Variants in RMST observed in about 807,000 individuals in gnomAD.
The protein encoded by RMST is long intergenic non-protein coding RNA 54.
chr12:97,529,862 GA>G (rs1307262509), intron 10 of RMST, among the ~76,000 whole-genome samples: 1 of 152,058 alleles, frequency 6.6e-6, no homozygotes, highest in Non-Finnish European at 1.5e-5. Flanking sequence ...CTTTTTGAAG[GA>G]AAAATTTGTA....
chr12:97,506,959 G>T (rs745322926), intron 10 of RMST, among the ~76,000 whole-genome samples: 1 of 152,118 alleles, frequency 6.6e-6, no homozygotes, highest in Non-Finnish European at 1.5e-5. Flanking sequence ...TGGGATTATA[G>T]GCATGAGCCA....
chr12:97,505,248 A>G (rs1337990949), intron 10 of RMST, among the ~76,000 whole-genome samples: 1 of 152,266 alleles, frequency 6.6e-6, no homozygotes, highest in Non-Finnish European at 1.5e-5. Context: ...TTACAGAATC[A>G]CAAATGAGCA....
At chr12:97,563,362 C>T (rs1333056119) in intron 13 of RMST, 1 of 202,506 alleles carries the variant, frequency 4.9e-6, no homozygotes, top group Non-Finnish European at 9.9e-6. Flanking sequence ...AAGATCCCGA[C>T]TCCCCACCTG....
intron 11 of RMST, among the ~76,000 whole-genome samples, chr12:97,549,531 G>A (rs2092046354): frequency 6.6e-6 from 1 of 152,214 alleles, no homozygotes; most frequent in South Asian, 2.1e-4. Flanking sequence ...ATTCAGCAAG[G>A]ATGCCATTCA....
intron 10 of RMST, among the ~76,000 whole-genome samples, chr12:97,503,362 A>T (rs1211744556): frequency 6.6e-6 from 1 of 152,060 alleles, no homozygotes; most frequent in Non-Finnish European, 1.5e-5. Flanking sequence ...TGGAGACTTT[A>T]GTTTGAAAAA....
chr12:97,557,446 A>G (rs960315053), intron 11 of RMST, among the ~76,000 whole-genome samples: 10 of 152,012 alleles, frequency 6.6e-5, no homozygotes, highest in South Asian at 4.1e-4. Flanking sequence ...AATAGAGTCT[A>G]TTTTCTCCCT....
At chr12:97,496,960 A>G (rs1010541547) in intron 10 of RMST, among the ~76,000 whole-genome samples, 2 of 152,188 alleles carry the variant, frequency 1.3e-5, no homozygotes, top group Admixed American at 6.5e-5. Context: ...TGACAGTGAT[A>G]ATATCATAAC....
At chr12:97,512,367 G>A (rs1284310514) in intron 10 of RMST, among the ~76,000 whole-genome samples, 1 of 152,142 alleles carries the variant, frequency 6.6e-6, no homozygotes, top group Non-Finnish European at 1.5e-5. Flanking sequence ...CAGCGTGTAA[G>A]GGGACCCGAG....
intron 5 of RMST, among the ~76,000 whole-genome samples, chr12:97,476,608 G>A (rs886393642): frequency 5.3e-5 from 8 of 152,100 alleles, no homozygotes; most frequent in Admixed American, 3.9e-4. Context: ...TGATAGAGCC[G>A]AGCTATGTGG....
intron 10 of RMST, chr12:97,496,118 CT>C (rs1251998012): frequency 6.6e-6 from 1 of 152,158 alleles, no homozygotes; most frequent in Non-Finnish European, 1.5e-5. Flanking sequence ...TCTAATTTCT[CT>C]TGTTTGCCAG....
At chr12:97,529,269 TCTTTGCAGCA>T (rs1452058328) in intron 10 of RMST, among the ~76,000 whole-genome samples, 19 of 152,108 alleles carry the variant, frequency 1.2e-4, no homozygotes, top group Admixed American at 1.2e-3. Context: ...TATCAGTTTA[TCTTTGCAGCA>T]CTTTAAGCTA....
At chr12:97,522,396 C>G (rs1880603123) in intron 10 of RMST, among the ~76,000 whole-genome samples, 2 of 152,172 alleles carry the variant, frequency 1.3e-5, no homozygotes, top group South Asian at 4.1e-4. Flanking sequence ...TCTTCAGAAA[C>G]AGTAGGAGAG....
chr12:97,475,589 T>G (rs1421087232), intron 5 of RMST, among the ~76,000 whole-genome samples: 2 of 141,084 alleles, frequency 1.4e-5, no homozygotes, highest in Admixed American at 1.4e-4. Flanking sequence ...TTTTTTTTGT[T>G]TTTTTTTTTT....
chr12:97,545,821 C>T (rs530633286), intron 11 of RMST, among the ~76,000 whole-genome samples: 1 of 152,052 alleles, frequency 6.6e-6, no homozygotes, highest in Non-Finnish European at 1.5e-5. Flanking sequence ...TATGACTCCA[C>T]GTAAATATGT....
At chr12:97,523,992 C>T (rs1880794155) in intron 10 of RMST, among the ~76,000 whole-genome samples, 10 of 143,352 alleles carry the variant, frequency 7.0e-5, no homozygotes, top group Admixed American at 5.2e-4. Flanking sequence ...GGGAGAATGG[C>T]GTGACCCCGG....
intron 5 of RMST, among the ~76,000 whole-genome samples, chr12:97,488,861 C>T (rs1251217549): frequency 1.3e-5 from 2 of 152,140 alleles, no homozygotes. Context: ...ATGGAAATTT[C>T]TATTTTATGC....
chr12:97,522,422 T>C (rs1880607349), intron 10 of RMST, among the ~76,000 whole-genome samples: 1 of 152,184 alleles, frequency 6.6e-6, no homozygotes, highest in Non-Finnish European at 1.5e-5. Flanking sequence ...ACATAGGCCG[T>C]GTGGGTTGAG....
At chr12:97,509,562 CTAAG>C (rs370745560) in intron 10 of RMST, among the ~76,000 whole-genome samples, 2 of 152,280 alleles carry the variant, frequency 1.3e-5, no homozygotes, top group East Asian at 1.9e-4. Context: ...AGGTGGACAA[CTAAG>C]TGAGTTCTAC....
intron 5 of RMST, among the ~76,000 whole-genome samples, chr12:97,488,689 G>T (rs555892050): frequency 6.6e-6 from 1 of 151,898 alleles, no homozygotes; most frequent in Non-Finnish European, 1.5e-5. Context: ...TGGGCCTCTG[G>T]GGTTTTCACG....
Sources: allele counts gnomAD v4.1 joint callset (sites outside exome capture counted in the v4.1 genomes callset), GRCh38; gene constraint gnomAD v4.1.1; transcripts MANE v1.5; gene names NCBI Gene and HGNC (gene_info 2026-07-23, HGNC 2026-07-21).